Variants in SPATA16 observed in about 807,000 individuals in gnomAD.
SPATA16 encodes spermatogenesis-associated protein 16.
SPATA16 carries 36 observed loss-of-function variants against 63.3 expected under a neutral mutation model. That is an observed-to-expected ratio of 0.57 (90% CI 0.44 to 0.75). The LOEUF is 0.75. SPATA16 is among the 30% of genes least tolerant of loss of function. The pLI is 0.00. For synonymous variants in SPATA16, 203 were observed against 216.7 expected (o/e 0.94, Z 0.56); for missense variants, 646 against 679.3 (o/e 0.95, Z 0.54).
chr3:172,938,832 C>CT (rs1560072909), intron 6 of SPATA16, among the ~76,000 whole-genome samples: 1 of 102,818 alleles, frequency 9.7e-6, no homozygotes, highest in Non-Finnish European at 1.8e-5. Flanking sequence ...CAGACCCCCC[C>CT]ACCCCCCCGC....
At chr3:172,970,357 AT>A (rs1185869914) in intron 5 of SPATA16, among the ~76,000 whole-genome samples, 16 of 152,132 alleles carry the variant, frequency 1.1e-4, no homozygotes, top group Non-Finnish European at 1.9e-4. Context: ...TTCTTATAGA[AT>A]TCTGCTTTCA....
At chr3:173,021,722 T>A (rs949169640) in intron 3 of SPATA16, among the ~76,000 whole-genome samples, 2 of 139,656 alleles carry the variant, frequency 1.4e-5, no homozygotes, top group Non-Finnish European at 3.1e-5. Flanking sequence ...CCCTATTACT[T>A]TTTATTTATT....
chr3:172,919,552 G>A (rs1732572732), intron 8 of SPATA16, among the ~76,000 whole-genome samples: 3 of 152,094 alleles, frequency 2.0e-5, no homozygotes, highest in Admixed American at 1.3e-4. Flanking sequence ...ACCAGGAAAC[G>A]TATTTACCGA....
chr3:173,058,289 T>A (rs1161824340), intron 2 of SPATA16, among the ~76,000 whole-genome samples: 3 of 152,110 alleles, frequency 2.0e-5, no homozygotes, highest in Non-Finnish European at 4.4e-5. Flanking sequence ...TAATGAGAAA[T>A]TTTTCTAGTG....
At chr3:173,023,519 C>G (rs1234325695) in intron 3 of SPATA16, among the ~76,000 whole-genome samples, 1 of 151,828 alleles carries the variant, frequency 6.6e-6, no homozygotes, top group African/African-American at 2.4e-5. Context: ...TGAACTTTAT[C>G]ATTTTTGTTT....
At position 172,891,267 on chromosome 3, in the gene SPATA16, A is replaced by G. The variant is rs575816509; in HGVS notation, c.1588-1575T>C. On this transcript the variant is annotated intron_variant, in intron 10 of 10. Coordinates refer to ENST00000351008, the MANE Select transcript of SPATA16 (RefSeq NM_031955.6). ...CTTCCTTCAATAAGACAGTGAAATA[A>G]TTGTTTTTAAATATCCATTAGGTAT... 3.3e-5 allele frequency among the ~76,000 whole-genome samples: 5 copies of G among 152,332 alleles called. No individual in the cohort carries two copies. The South Asian group carries it at 6.2e-4, about 19-fold the overall frequency.
intron 4 of SPATA16, among the ~76,000 whole-genome samples, chr3:172,980,791 A>G (rs1734289230): frequency 6.6e-6 from 1 of 152,190 alleles, no homozygotes; most frequent in Non-Finnish European, 1.5e-5. Flanking sequence ...AAATACCCCA[A>G]AAGCTTCTCT....
Position 172,989,055 on chromosome 3 carries a change from C to T in SPATA16, c.849-12003G>A, listed in dbSNP as rs1734519617. 2.0e-5 allele frequency among the ~76,000 whole-genome samples: 3 copies of T among 152,078 alleles called. 1 individual carries two copies. The highest frequency in any genetic ancestry group is 4.1e-4 in the South Asian group (2 of 4,830). On this transcript the variant is annotated intron_variant, in intron 4 of 10. Transcript: ENST00000351008. Reference sequence around the variant, plus strand: ...ACTTGCTTTCAGCACTTTTCTAGACCCCTTTGGATAGTCCATATCTCTGCT... The same window carrying T: ...ACTTGCTTTCAGCACTTTTCTAGACTCCTTTGGATAGTCCATATCTCTGCT...
intron 2 of SPATA16, among the ~76,000 whole-genome samples, chr3:173,109,051 C>T (rs1027389490): frequency 6.6e-6 from 1 of 152,148 alleles, no homozygotes; most frequent in African/African-American, 2.4e-5. Flanking sequence ...ATGTGATTCT[C>T]TTTTCATTTG....
At chr3:173,041,652 A>G (rs1735842906) in intron 3 of SPATA16, among the ~76,000 whole-genome samples, 1 of 151,970 alleles carries the variant, frequency 6.6e-6, no homozygotes, top group African/African-American at 2.4e-5. Flanking sequence ...GTTCCCTATT[A>G]TTTTACTATA....
chr3:172,956,967 AT>A, intron 5 of SPATA16, 143 bp from the exon 6 acceptor site: 2 of 959,478 alleles, frequency 2.1e-6, no homozygotes, highest in Non-Finnish European at 3.1e-6. Flanking sequence ...TTGAATATTC[AT>A]TAGAACAAAA....
intron 4 of SPATA16, among the ~76,000 whole-genome samples, chr3:172,981,615 G>A (rs141341098): frequency 3.0e-4 from 46 of 152,146 alleles, no homozygotes; most frequent in African/African-American, 1.0e-3. Flanking sequence ...CACCTCCTTC[G>A]GTCTTTGTAT....
intron 6 of SPATA16, among the ~76,000 whole-genome samples, chr3:172,948,819 T>C (rs1733359439): frequency 6.6e-6 from 1 of 152,118 alleles, no homozygotes; most frequent in Admixed American, 6.6e-5. Flanking sequence ...GACAGAATAT[T>C]ATACAGCAAT....
chr3:172,930,923 G>C (rs2109586477), intron 6 of SPATA16, among the ~76,000 whole-genome samples: 1 of 151,800 alleles, frequency 6.6e-6, no homozygotes, highest in African/African-American at 2.4e-5. Context: ...TCTACCTTCT[G>C]GCGATTCTCC....
At chr3:172,933,361 A>G (rs1046037721) in intron 6 of SPATA16, among the ~76,000 whole-genome samples, 4 of 152,132 alleles carry the variant, frequency 2.6e-5, no homozygotes, top group Admixed American at 2.6e-4. Flanking sequence ...GACCAAGTCA[A>G]TCAATCCATG....
chr3:172,919,096 T>C (rs1193271437), intron 8 of SPATA16, among the ~76,000 whole-genome samples: 1 of 152,228 alleles, frequency 6.6e-6, no homozygotes, highest in East Asian at 1.9e-4. Flanking sequence ...TAATGAAGTA[T>C]TAAAAACATG....
chr3:172,890,766 A>G (rs952465347), intron 10 of SPATA16, among the ~76,000 whole-genome samples: 31 of 151,728 alleles, frequency 2.0e-4, no homozygotes, highest in African/African-American at 7.5e-4. Context: ...TTTTTTAAGA[A>G]AACAAGATAA....
At chr3:173,101,873 T>G (rs1373060811) in intron 2 of SPATA16, among the ~76,000 whole-genome samples, 1 of 152,152 alleles carries the variant, frequency 6.6e-6, no homozygotes, top group Admixed American at 6.5e-5. Flanking sequence ...TGCATTCTCT[T>G]CACTGGACGC....
chr3:173,051,474 T>A (rs1189463331), intron 2 of SPATA16, among the ~76,000 whole-genome samples: 3 of 152,304 alleles, frequency 2.0e-5, no homozygotes, highest in East Asian at 1.9e-4. Context: ...GTGCTGGGAT[T>A]ACAGGCGTGA....
Sources: gnomAD v4.1 joint callset for allele counts (sites outside exome capture counted in the v4.1 genomes callset) on GRCh38, gnomAD v4.1.1 for gene constraint, MANE v1.5 for transcripts, NCBI Gene and HGNC (gene_info 2026-07-23, HGNC 2026-07-21) for gene names.